The following ADGRG3 variants were observed in gnomAD, a reference collection of about 807,000 sequenced individuals.
ADGRG3 encodes adhesion G protein-coupled receptor G3.
A neutral mutation model predicts 54.3 loss-of-function variants in ADGRG3; 39 were observed. The observed-to-expected ratio is 0.72, with a 90% confidence interval of 0.56 to 0.94. ADGRG3 has a LOEUF of 0.94. Ranked by LOEUF, ADGRG3 falls within the 40% of genes least tolerant of loss-of-function variation. The pLI, the probability that ADGRG3 is intolerant of heterozygous loss-of-function variation, is 0.00. For missense variants in ADGRG3, 654 were observed against 694.6 expected, an observed-to-expected ratio of 0.94 and a Z score of 0.66; for synonymous variants, 312 against 290.0, an observed-to-expected ratio of 1.08 and a Z score of -0.77.
chr16:57,674,144 C>T (rs935748), intron 2 of ADGRG3, among the ~76,000 whole-genome samples: 4 of 151,668 alleles, frequency 2.6e-5, no homozygotes, highest in African/African-American at 4.9e-5. Flanking sequence ...CTTCAGGGAC[C>T]GGTGATGCAG....
chr16:57,670,430 G>A (rs2048133385), intron 1 of ADGRG3, among the ~76,000 whole-genome samples: 2 of 152,068 alleles, frequency 1.3e-5, no homozygotes, highest in Admixed American at 6.5e-5. Context: ...ATGACAGCAG[G>A]GCCGGGATGG....
At chr16:57,684,587 C>A (rs1597780526) in intron 10 of ADGRG3, 104 bp downstream of exon 10, 10 of 752,530 alleles carry the variant, frequency 1.3e-5, no homozygotes, top group Non-Finnish European at 2.2e-5. Context: ...AAATCTAGAC[C>A]AAATATGTCA....
intron 3 of ADGRG3, 142 bp downstream of exon 3, chr16:57,676,480 TA>T: frequency 1.4e-6 from 1 of 721,548 alleles, no homozygotes; most frequent in Non-Finnish European, 2.2e-6. Flanking sequence ...GCTGCGTCTG[TA>T]AAATGAGCTC....
At chr16:57,666,227 G>A (rs530526659), upstream of ADGRG3, among the ~76,000 whole-genome samples, 1 of 152,118 alleles carries the variant, frequency 6.6e-6, no homozygotes, top group African/African-American at 2.4e-5. Flanking sequence ...TTCCAGAATG[G>A]GGGGGAAATG....
At chr16:57,670,061 C>T (rs1297903172) in intron 1 of ADGRG3, among the ~76,000 whole-genome samples, 5 of 152,158 alleles carry the variant, frequency 3.3e-5, no homozygotes, top group South Asian at 2.1e-4. Context: ...GGTTTGCTCA[C>T]GGTGAGCCAG....
rs1463460826 is a variant in ADGRG3 at position 57,688,366 on chromosome 16, T to G, written c.1555T>G (p.Cys519Gly). ...FNSLQGVFICCWFTILYLPSQ... is the reference protein window; with the variant it reads ...FNSLQGVFICGWFTILYLPSQ... ...CTTCCTAACAGGTGTCTTCATCTGC[T>G]GCTGGTTCACCATCCTTTACCTCCC... Residue 519 changes from cysteine (C) to glycine (G), a missense_variant, in exon 12 of 12, where the codon TGC becomes GGC. Cys to Gly is a radical substitution (Grantham distance 159). Coordinates refer to ENST00000333493, the MANE Select transcript of ADGRG3 (RefSeq NM_170776.5). 1 of 1,612,200 alleles carries G rather than the reference T, an allele frequency of 6.2e-7. No homozygotes were observed. Among genetic ancestry groups the G allele is most frequent in the Non-Finnish European group, 8.5e-7 (1 of 1,178,270 alleles).
At chr16:57,684,287 A>T (rs2048430720) in intron 9 of ADGRG3, 75 bp downstream of exon 9, 12 of 1,576,204 alleles carry the variant, frequency 7.6e-6, no homozygotes, top group Non-Finnish European at 1.0e-5. Context: ...GGGGAGAGAG[A>T]GGAGGGGTTC....
intron 2 of ADGRG3, among the ~76,000 whole-genome samples, 182 bp from the exon 3 acceptor site, chr16:57,676,018 A>C (rs941079380): frequency 6.6e-6 from 1 of 152,226 alleles, no homozygotes; most frequent in Non-Finnish European, 1.5e-5. Context: ...ACTCAGAGGG[A>C]CGCCTAGCTG....
chr16:57,684,448 C>T lies in ADGRG3; in HGVS notation c.1221C>T (p.Thr407=), dbSNP rs1156896428. The change falls in exon 10 of 12, where the codon ACC becomes ACT. Residue 407 remains threonine, a synonymous_variant. Coordinates refer to ENST00000333493, the MANE Select transcript of ADGRG3 (RefSeq NM_170776.5). ...TGSANSYGLY[T]IRDRENRTSL... ...GTGCCAACAGCTACGGCCTCTACAC[C>T]ATCCGTGATAGGGAGAACCGCACCT... The T allele has an allele frequency of 6.2e-7, 1 of 1,613,932 alleles. No individual in the cohort carries two copies. Among genetic ancestry groups the T allele is most frequent in the Non-Finnish European group, 8.5e-7 (1 of 1,179,934 alleles).
chr16:57,669,140 G>A (rs896950528), intron 1 of ADGRG3, among the ~76,000 whole-genome samples: 8 of 152,122 alleles, frequency 5.3e-5, no homozygotes, highest in East Asian at 1.9e-4. Context: ...GTGCTCCCCC[G>A]TTAGTGCTCC....
chr16:57,680,265 G>A lies in ADGRG3; in HGVS notation c.668G>A (p.Gly223Glu). ...LTCVFWDVTK[G>E]TTGDWSSEGC... is the part of the protein sequence containing the mutation. ...TCTGTTCCCCTGGCCTCCTCTCCAGGGACCACTGGAGACTGGTCTTCTGAG... is the reference window on the plus strand; with the variant it reads ...TCTGTTCCCCTGGCCTCCTCTCCAGAGACCACTGGAGACTGGTCTTCTGAG... The change falls in exon 7 of 12, where the codon GGG becomes GAG. Residue 223 changes from glycine (G) to glutamate (E), a missense_variant and splice_region_variant. Coordinates refer to ENST00000333493, the MANE Select transcript of ADGRG3 (RefSeq NM_170776.5). The A allele has an allele frequency of 6.3e-7, 1 of 1,588,366 alleles. No individual in the cohort carries two copies. Among genetic ancestry groups the A allele is most frequent in the Non-Finnish European group, 8.6e-7 (1 of 1,162,600 alleles).
In ADGRG3 at chr16:57,685,533, G is replaced by C. The variant is rs2048457317; in HGVS notation, c.1257-110G>C. 2.4e-5 allele frequency: 25 copies of C among 1,057,288 alleles called. 2 individuals carry two copies. The South Asian group carries it at 3.2e-4, about 13-fold the overall frequency. 65.5% of individuals were successfully genotyped at this position (1,057,288 alleles called of 1,614,324 possible). A position where few individuals can be genotyped will look rare whatever the true frequency, so the allele number is the denominator to read the frequency against. ...GCGGGAGAGCCAGGGATTGATGGGT[G>C]GAAATGGGAGAGGCACCTTCACAGA... is the stretch of plus-strand genomic sequence containing the variant. On this transcript the variant is annotated intron_variant, in intron 10 of 11. Coordinates refer to ENST00000333493, the MANE Select transcript of ADGRG3 (RefSeq NM_170776.5).
intron 3 of ADGRG3, among the ~76,000 whole-genome samples, 196 bp downstream of exon 3, chr16:57,676,534 G>A (rs924418117): frequency 6.6e-6 from 1 of 152,200 alleles, no homozygotes; most frequent in Non-Finnish European, 1.5e-5. Context: ...CTCCTCTACT[G>A]AGGGAACATA....
intron 11 of ADGRG3, among the ~76,000 whole-genome samples, chr16:57,688,132 T>C (rs1442529500): frequency 4.6e-5 from 7 of 152,252 alleles, no homozygotes; most frequent in African/African-American, 1.7e-4. Flanking sequence ...CATAGGTAGA[T>C]ATTTTATTTG....
chr16:57,687,399 A>G (rs943603893), intron 11 of ADGRG3, among the ~76,000 whole-genome samples: 1 of 152,134 alleles, frequency 6.6e-6, no homozygotes, highest in African/African-American at 2.4e-5. Flanking sequence ...CTACAGGCAC[A>G]TGCCACCATG....
intron 10 of ADGRG3, among the ~76,000 whole-genome samples, chr16:57,685,318 G>C (rs1349689421): frequency 6.6e-6 from 1 of 152,242 alleles, no homozygotes; most frequent in African/African-American, 2.4e-5. Flanking sequence ...GGCATCCACA[G>C]AGCTGCCAGG....
At chr16:57,684,542 C>G in intron 10 of ADGRG3, 59 bp downstream of exon 10, 1 of 1,283,900 alleles carries the variant, frequency 7.8e-7, no homozygotes, top group Non-Finnish European at 1.1e-6. Context: ...CATATTGGGG[C>G]TGGAGAGAGG....
intron 8 of ADGRG3, among the ~76,000 whole-genome samples, chr16:57,681,809 A>G (rs1313762108): frequency 2.0e-5 from 3 of 151,844 alleles, no homozygotes; most frequent in African/African-American, 4.8e-5. Context: ...GAATGTCAAG[A>G]TGGCGACAGT....
intron 10 of ADGRG3, 131 bp downstream of exon 10, chr16:57,684,614 C>T (rs1471041903): frequency 6.3e-6 from 4 of 639,786 alleles, no homozygotes; most frequent in Non-Finnish European, 1.1e-5. Context: ...GAAGAATCCT[C>T]AGATCCAGCT....
Sources: gnomAD v4.1 joint callset for allele counts (sites outside exome capture counted in the v4.1 genomes callset) on GRCh38, gnomAD v4.1.1 for gene constraint, MANE v1.5 for transcripts, NCBI Gene and HGNC (gene_info 2026-07-23, HGNC 2026-07-21) for gene names.